The following SLC24A3 variants were observed in gnomAD, a reference collection of about 807,000 sequenced individuals.
The protein encoded by SLC24A3 is sodium/potassium/calcium exchanger 3.
In SLC24A3, 28 loss-of-function variants were observed where a neutral mutation model predicts 75.8. That is an observed-to-expected ratio of 0.37 (90% CI 0.27 to 0.51). SLC24A3 has a LOEUF of 0.51. SLC24A3 is among the 20% of genes least tolerant of loss of function. SLC24A3 has a pLI of 0.94. For synonymous variants in SLC24A3, 372 were observed against 334.1 expected, an observed-to-expected ratio of 1.11 and a Z score of -1.24; for missense variants, 663 against 847.8, an observed-to-expected ratio of 0.78 and a Z score of 2.71.
Position 19,473,055 on chromosome 20 carries a change from C to A in SLC24A3, c.272-42433C>A, listed in dbSNP as rs146708529. ...AAGGCTGGATCAGACATACAGAGGCCGCTATGCATCTGATACCAGAGTTAG... is the reference window on the plus strand; with the variant it reads ...AAGGCTGGATCAGACATACAGAGGCAGCTATGCATCTGATACCAGAGTTAG... On this transcript the variant is annotated intron_variant, in intron 2 of 16. Transcript: ENST00000328041. Among the ~76,000 whole-genome samples the A allele has an allele frequency of 4.6e-5, 7 of 152,266 alleles. No homozygotes were observed. In the East Asian group the frequency reaches 9.7e-4, roughly 21 times the overall value.
intron 3 of SLC24A3, among the ~76,000 whole-genome samples, chr20:19,568,446 T>G (rs2030997784): frequency 6.6e-6 from 1 of 152,238 alleles, no homozygotes; most frequent in Non-Finnish European, 1.5e-5. Context: ...AGGGAAATTC[T>G]AACACATGCT....
At chr20:19,545,050 A>C (rs1480563883) in intron 3 of SLC24A3, among the ~76,000 whole-genome samples, 1 of 152,228 alleles carries the variant, frequency 6.6e-6, no homozygotes, top group Non-Finnish European at 1.5e-5. Flanking sequence ...GATTTAGTAG[A>C]AGATAGATCA....
chr20:19,498,585 C>A (rs1324845015), intron 2 of SLC24A3, among the ~76,000 whole-genome samples: 1 of 152,204 alleles, frequency 6.6e-6, no homozygotes, highest in Non-Finnish European at 1.5e-5. Flanking sequence ...CCTGACCTCA[C>A]TTCCCACTCA....
intron 8 of SLC24A3, among the ~76,000 whole-genome samples, chr20:19,668,984 A>G (rs1294264236): frequency 2.6e-5 from 4 of 152,184 alleles, no homozygotes; most frequent in Non-Finnish European, 4.4e-5. Flanking sequence ...TGGTCGCAGA[A>G]GGGTCTGCCT....
chr20:19,522,669 A>T (rs1045096576), intron 3 of SLC24A3, among the ~76,000 whole-genome samples: 1 of 152,238 alleles, frequency 6.6e-6, no homozygotes, highest in African/African-American at 2.4e-5. Flanking sequence ...CCAGAGCCCA[A>T]TCCATTCAGA....
At chr20:19,594,233 C>G (rs1238197637) in intron 6 of SLC24A3, among the ~76,000 whole-genome samples, 1 of 149,742 alleles carries the variant, frequency 6.7e-6, no homozygotes. Flanking sequence ...TGAAGACTCC[C>G]TGGTCTTCCC....
chr20:19,323,365 CATAAGCTTTTGG>C (rs1482697965), intron 2 of SLC24A3, among the ~76,000 whole-genome samples: 1 of 152,178 alleles, frequency 6.6e-6, no homozygotes, highest in Non-Finnish European at 1.5e-5. Flanking sequence ...GTCCATGCCA[CATAAGCTTTTGG>C]ATGACCCAGC....
At chr20:19,532,901 T>A (rs2030327988) in intron 3 of SLC24A3, among the ~76,000 whole-genome samples, 1 of 152,148 alleles carries the variant, frequency 6.6e-6, no homozygotes, top group South Asian at 2.1e-4. Context: ...TCAAGATATT[T>A]AATAACTGGA....
intron 9 of SLC24A3, among the ~76,000 whole-genome samples, chr20:19,675,903 G>A (rs535897124): frequency 1.9e-4 from 29 of 152,272 alleles, no homozygotes; most frequent in African/African-American, 7.0e-4. Flanking sequence ...GTCTGTGTGT[G>A]TACTCACACA....
rs551492811 is a variant in SLC24A3, at chr20:19,237,864, G to A, written c.142+24880G>A. Reference sequence around the variant, plus strand: ...CGCCTTCTGATTTAAGCCTGGGCCTGAGTTTCACGTCTGTCGGTTTTACTT... The same window carrying A: ...CGCCTTCTGATTTAAGCCTGGGCCTAAGTTTCACGTCTGTCGGTTTTACTT... On this transcript the variant is annotated intron_variant, in intron 1 of 16. Transcript: ENST00000328041. 1.2e-4 allele frequency among the ~76,000 whole-genome samples: 18 copies of A among 152,274 alleles called. No homozygotes were observed. The East Asian group carries it at 3.5e-3, about 29-fold the overall frequency.
At chr20:19,592,823 T>TCTCA (rs1284311578) in intron 6 of SLC24A3, among the ~76,000 whole-genome samples, 13 of 129,746 alleles carry the variant, frequency 1.0e-4, no homozygotes, top group African/African-American at 3.5e-4. Flanking sequence ...TGAGATAGAG[T>TCTCA]CTCACTGCGT....
chr20:19,215,201 A>G (rs1219149843), intron 1 of SLC24A3, among the ~76,000 whole-genome samples: 2 of 152,202 alleles, frequency 1.3e-5, no homozygotes, highest in African/African-American at 4.8e-5. Context: ...TTGAATGGTG[A>G]CTTTTACCCT....
At chr20:19,458,387 G>A (rs6515014) in intron 2 of SLC24A3, among the ~76,000 whole-genome samples, 8,457 of 152,162 alleles carry the variant, frequency 0.056, 711 homozygotes, top group African/African-American at 0.19. Context: ...AAAATTTGCC[G>A]TCTTAACCAA....
rs933016028 is a variant in SLC24A3 at position 19,665,763 on chromosome 20, C to G, written c.688-101C>G. The G allele has an allele frequency of 7.8e-6, 11 of 1,405,588 alleles. No homozygotes were observed. In the African/African-American group the frequency reaches 1.5e-4, roughly 19 times the overall value. 87.1% of individuals were successfully genotyped at this position (1,405,588 alleles called of 1,614,324 possible). A position where few individuals can be genotyped will look rare whatever the true frequency, so the allele number is the denominator to read the frequency against. On this transcript the variant is annotated intron_variant, in intron 7 of 16. Coordinates refer to ENST00000328041, the MANE Select transcript of SLC24A3 (RefSeq NM_020689.4). ...AGTCCTGATTACACCATCCCAGGAA[C>G]AAGGTGGATACTGCGTGCAGCCTTA... is the stretch of plus-strand genomic sequence containing the variant.
chr20:19,599,412 C>A (rs1044897808), intron 6 of SLC24A3, among the ~76,000 whole-genome samples: 2 of 151,532 alleles, frequency 1.3e-5, no homozygotes, highest in African/African-American at 4.9e-5. Flanking sequence ...GTGTGTGATG[C>A]GGTCCCTCCC....
intron 2 of SLC24A3, among the ~76,000 whole-genome samples, chr20:19,370,710 A>G (rs1403471421): frequency 6.6e-6 from 1 of 152,220 alleles, no homozygotes; most frequent in East Asian, 1.9e-4. Context: ...CTGCCAACCT[A>G]TCCCAGCAGG....
At position 19,281,102 on chromosome 20, in the gene SLC24A3, T is replaced by C; in HGVS notation, c.271+15T>C. Reference sequence around the variant, plus strand: ...CACCGAACCAGGTAACAGTGCTGACTACTCATGGGCAGCAGCTGTCATTTT... The same window carrying C: ...CACCGAACCAGGTAACAGTGCTGACCACTCATGGGCAGCAGCTGTCATTTT... On this transcript the variant is annotated intron_variant, in intron 2 of 16. Transcript: ENST00000328041. 1.2e-6 allele frequency: 2 copies of C among 1,613,772 alleles called. No homozygotes were observed. Among genetic ancestry groups the C allele is most frequent in the Middle Eastern group, 1.7e-4 (1 of 6,060 alleles).
At chr20:19,626,753 T>C (rs553273588) in intron 6 of SLC24A3, among the ~76,000 whole-genome samples, 1 of 152,328 alleles carries the variant, frequency 6.6e-6, no homozygotes, top group Non-Finnish European at 1.5e-5. Context: ...ATGAGCAGTG[T>C]AGATGTGGAG....
chr20:19,436,062 T>C (rs1987196000), intron 2 of SLC24A3, among the ~76,000 whole-genome samples: 1 of 152,194 alleles, frequency 6.6e-6, no homozygotes. Flanking sequence ...GTGGAGATAA[T>C]AATAGCTAAC....
Sources: gnomAD v4.1 joint callset for allele counts (sites outside exome capture counted in the v4.1 genomes callset) on GRCh38, gnomAD v4.1.1 for gene constraint, MANE v1.5 for transcripts, NCBI Gene and HGNC (gene_info 2026-07-23, HGNC 2026-07-21) for gene names.